The following CCDC157 variants were observed in gnomAD, a reference collection of about 807,000 sequenced individuals.
CCDC157 encodes the protein coiled-coil domain containing 157.
A neutral mutation model predicts 70.9 loss-of-function variants in CCDC157; 60 were observed. The observed-to-expected ratio is 0.85, with a 90% CI of 0.69 to 1.05. The LOEUF is 1.05. CCDC157 is among the 50% of genes least tolerant of loss of function. The pLI is 0.00. For missense variants in CCDC157, 943 were observed against 984.2 expected (o/e 0.96, Z 0.56); for synonymous variants, 373 against 422.4 (o/e 0.88, Z 1.43).
rs1446264684 is a variant in CCDC157, at chr22:30,374,833, C to T, written c.1673-646C>T. 4 of 436,516 alleles carry T rather than the reference C, an allele frequency of 9.2e-6. No homozygotes were observed. The Admixed American group carries it at 9.6e-5, about 10-fold the overall frequency. 27.0% of individuals were successfully genotyped at this position (436,516 alleles called of 1,614,324 possible). A position where few individuals can be genotyped will look rare whatever the true frequency, so the allele number is the denominator to read the frequency against. On this transcript the variant is annotated intron_variant, in intron 9 of 11. Transcript: ENST00000338306. Reference sequence around the variant, plus strand: ...AGGGGAAGAGCAGCCTGGCGGAATTCCTGCCGTTCCCAAGCTTGAGCTGGC... The same window carrying T: ...AGGGGAAGAGCAGCCTGGCGGAATTTCTGCCGTTCCCAAGCTTGAGCTGGC...
chr22:30,358,329 G>C (rs922101109), intron 1 of CCDC157, among the ~76,000 whole-genome samples: 1 of 152,224 alleles, frequency 6.6e-6, no homozygotes, highest in Non-Finnish European at 1.5e-5. Flanking sequence ...CATGTGTTAC[G>C]TCATTTATTC....
At position 30,377,652 on chromosome 22, in the gene CCDC157, A is replaced by G. The variant is rs1933434980; in HGVS notation, c.*907A>G. On this transcript the variant is annotated 3_prime_UTR_variant, in exon 12 of 12. Transcript: ENST00000338306. Reference sequence around the variant, plus strand: ...AGAAGGGTCAAGAGGGGCCATGTATATAGCTGAGCTACCACAGCTTTGGTC... The same window carrying G: ...AGAAGGGTCAAGAGGGGCCATGTATGTAGCTGAGCTACCACAGCTTTGGTC... The G allele has an allele frequency of 6.0e-6, 1 of 166,722 alleles. No individual in the cohort carries two copies. 10.3% of individuals were successfully genotyped at this position (166,722 alleles called of 1,614,324 possible). A position where few individuals can be genotyped will look rare whatever the true frequency, so the allele number is the denominator to read the frequency against.
rs376090383 is a variant in CCDC157, at chr22:30,375,461, C to T, written c.1673-18C>T. 1.2e-6 allele frequency: 2 copies of T among 1,613,750 alleles called. No individual in the cohort carries two copies. Among genetic ancestry groups the T allele is most frequent in the African/African-American group, 2.7e-5 (2 of 75,062 alleles). On this transcript the variant is annotated intron_variant, in intron 9 of 11. Coordinates refer to ENST00000338306, the MANE Select transcript of CCDC157 (RefSeq NM_001017437.5). Reference sequence around the variant, plus strand: ...GCTGGTGTGCCTCCCTTCTAAGGTCCTGTCCCATTGGGCACAGGAGGCAGA... The same window carrying T: ...GCTGGTGTGCCTCCCTTCTAAGGTCTTGTCCCATTGGGCACAGGAGGCAGA...
rs770884624 is a variant in CCDC157 at position 30,376,503 on chromosome 22, C to T, written c.2017C>T (p.Pro673Ser). 6.2e-7 allele frequency: 1 copy of T among 1,607,804 alleles called. No individual in the cohort carries two copies. The highest frequency in any genetic ancestry group is 1.4e-5 in the African/African-American group (1 of 73,666). ...RTLLGQPCTSPPRQPCTSPPR... is the reference protein window; with the variant it reads ...RTLLGQPCTSSPRQPCTSPPR... ...CCTGCTGGGCCAGCCCTGCACATCC[C>T]CACCTCGGCAGCCCTGCACATCCCC... The change falls in exon 12 of 12, where the codon CCA (proline) becomes TCA (serine). Residue 673 changes from proline to serine, a missense_variant. By Grantham distance (74) the Pro-to-Ser change is moderately conservative. Transcript: ENST00000338306.
intron 3 of CCDC157, 127 bp from the exon 4 acceptor site, chr22:30,369,305 C>A: frequency 1.2e-6 from 1 of 842,830 alleles, no homozygotes; most frequent in Non-Finnish European, 1.7e-6. Flanking sequence ...CCCAGCAGAG[C>A]ATATTCTGAG....
intron 1 of CCDC157, among the ~76,000 whole-genome samples, chr22:30,361,650 T>C (rs1049816563): frequency 1.3e-5 from 2 of 152,216 alleles, no homozygotes; most frequent in African/African-American, 4.8e-5. Flanking sequence ...AGAGCAGAGA[T>C]GGTGGACTCA....
In CCDC157 at chr22:30,375,502, TC is replaced by T; in HGVS notation, c.1699del (p.Gln567ArgfsTer2). On this transcript the variant is annotated frameshift_variant, in exon 10 of 12. Transcript: ENST00000338306. LOFTEE classifies it high-confidence loss of function. ...IHGGRSSSVE[S>X]QITCPTDSGN... ...AGGAGGCAGATCCAGCAGCGTGGAA[TC>T]CCAGATAACATGTCCCACAGACTCT... 2 of 1,614,136 alleles carry T rather than the reference TC, an allele frequency of 1.2e-6. No individual in the cohort carries two copies. Among genetic ancestry groups the T allele is most frequent in the Non-Finnish European group, 8.5e-7 (1 of 1,180,022 alleles).
chr22:30,360,621 G>T (rs1232013192), intron 1 of CCDC157, among the ~76,000 whole-genome samples: 1 of 151,956 alleles, frequency 6.6e-6, no homozygotes, highest in Non-Finnish European at 1.5e-5. Flanking sequence ...GGACCCAAAG[G>T]TATGATCTGG....
At chr22:30,356,709 T>C, upstream of CCDC157, 1 of 1,469,362 alleles carries the variant, frequency 6.8e-7, no homozygotes, top group Non-Finnish European at 9.1e-7. Flanking sequence ...GGCTGCAGGC[T>C]GAGGGGCGGG....
rs1396812410 is a variant in CCDC157 at position 30,373,506 on chromosome 22, G to A, written c.1336-91G>A. On this transcript the variant is annotated intron_variant, in intron 7 of 11. Coordinates refer to ENST00000338306, the MANE Select transcript of CCDC157 (RefSeq NM_001017437.5). ...ACACCCCAGGGGGGTAGCAGCCGAG[G>A]GGTAGTAGATGCTGTAGCCTCCTTA... The A allele has an allele frequency of 2.9e-6, 4 of 1,391,288 alleles. No homozygotes were observed. In the Admixed American group the frequency reaches 6.2e-5, roughly 22 times the overall value. 86.2% of individuals were successfully genotyped at this position (1,391,288 alleles called of 1,614,324 possible).
In CCDC157 at chr22:30,370,471, G is replaced by A. The variant is rs139611413; in HGVS notation, c.566G>A (p.Ser189Asn). ...CCCCAGACCTGCCAAGAGCCAGAGA[G>A]CATCCCTGTCAGAGCCTCCCTGCAG... is the stretch of plus-strand genomic sequence containing the variant. ...GLPQTCQEPE[S>N]IPVRASLQFP... The change falls in exon 5 of 12, where the codon AGC becomes AAC. Residue 189 changes from serine to asparagine, a missense_variant. Ser to Asn is a conservative substitution (Grantham distance 46). Transcript: ENST00000338306. The A allele has an allele frequency of 2.5e-5, 40 of 1,614,078 alleles. No individual in the cohort carries two copies. The highest frequency in any genetic ancestry group is 3.4e-5 in the Non-Finnish European group (40 of 1,180,038).
At chr22:30,366,372 C>T (rs940611631) in intron 3 of CCDC157, 124 bp downstream of exon 3, 2 of 1,177,280 alleles carry the variant, frequency 1.7e-6, no homozygotes, top group East Asian at 2.4e-5. Flanking sequence ...CATTGAGTAC[C>T]TGTCGGGGCC....
intron 1 of CCDC157, among the ~76,000 whole-genome samples, chr22:30,358,897 C>T (rs1171079184): frequency 6.6e-6 from 1 of 152,244 alleles, no homozygotes; most frequent in African/African-American, 2.4e-5. Context: ...TTGACACACA[C>T]ATAAAGTACT....
chr22:30,376,245 T>G lies in CCDC157; in HGVS notation c.1858-14T>G. 1 of 1,596,850 alleles carries G rather than the reference T, an allele frequency of 6.3e-7. No individual in the cohort carries two copies. The highest frequency in any genetic ancestry group is 8.5e-7 in the Non-Finnish European group (1 of 1,171,456). On this transcript the variant is annotated splice_polypyrimidine_tract_variant and intron_variant, in intron 10 of 11. Coordinates refer to ENST00000338306, the MANE Select transcript of CCDC157 (RefSeq NM_001017437.5). ...TGGGCCCTTATAAGACTGGCTTTTTTTTTTTTTTTGTAGCTGATCCCGCAG... is the reference window on the plus strand; with the variant it reads ...TGGGCCCTTATAAGACTGGCTTTTTGTTTTTTTTTGTAGCTGATCCCGCAG...
intron 9 of CCDC157, chr22:30,375,157 C>T (rs1277900959): frequency 6.6e-6 from 2 of 303,300 alleles, no homozygotes; most frequent in Non-Finnish European, 1.3e-5. Context: ...CGGGGTTTCA[C>T]CATGTTGGCC....
At chr22:30,371,284 G>A in intron 5 of CCDC157, 1 of 487,236 alleles carries the variant, frequency 2.1e-6, no homozygotes, top group South Asian at 2.7e-5. Flanking sequence ...GGCACTTCCA[G>A]CCAAGCAGAG....
rs1206135965 is a variant in CCDC157 at position 30,370,794 on chromosome 22, C to G, written c.889C>G (p.Leu297Val). 2 of 1,613,412 alleles carry G rather than the reference C, an allele frequency of 1.2e-6. No homozygotes were observed. Among genetic ancestry groups the G allele is most frequent in the African/African-American group, 1.3e-5 (1 of 75,068 alleles). The change falls in exon 5 of 12, where the codon CTG becomes GTG. Residue 297 changes from leucine to valine, a missense_variant. Physicochemically the swap from Leu to Val is conservative, Grantham distance 32. Coordinates refer to ENST00000338306, the MANE Select transcript of CCDC157 (RefSeq NM_001017437.5). Reference sequence around the variant, plus strand: ...GCATGTGGAGGCCCTCAGGGCCCAGCTGGAGGAGGCTGAAGGGCAGAAGGA... The same window carrying G: ...GCATGTGGAGGCCCTCAGGGCCCAGGTGGAGGAGGCTGAAGGGCAGAAGGA... The part of the protein sequence containing the change: ...SKHVEALRAQ[L>V]EEAEGQKDGL...
rs1282537827 is a variant in CCDC157 at position 30,370,594 on chromosome 22, G to T, written c.689G>T (p.Ser230Ile). 3 of 1,614,082 alleles carry T rather than the reference G, an allele frequency of 1.9e-6. No individual in the cohort carries two copies. The highest frequency in any genetic ancestry group is 2.5e-6 in the Non-Finnish European group (3 of 1,180,042). The change falls in exon 5 of 12, where the codon AGC (serine) becomes ATC (isoleucine). Residue 230 changes from serine (S) to isoleucine (I), a missense_variant. Ser to Ile is a moderately radical substitution (Grantham distance 142). Transcript: ENST00000338306. ...GACGCATGCGCCAGCGTCCAGGGAA[G>T]CCTGCAGAAGGTGGGCAAGGTGGTC... ...PCDACASVQG[S>I]LQKVGKVVIS...
intron 6 of CCDC157, 168 bp from the exon 7 acceptor site, chr22:30,371,907 C>G: frequency 1.4e-6 from 1 of 731,676 alleles, no homozygotes; most frequent in Non-Finnish European, 2.3e-6. Flanking sequence ...CACCTCCTAC[C>G]GAGAAAGCGC....
Sources: allele counts gnomAD v4.1 joint callset (sites outside exome capture counted in the v4.1 genomes callset), GRCh38; gene constraint gnomAD v4.1.1; transcripts MANE v1.5; gene names NCBI Gene and HGNC (gene_info 2026-07-23, HGNC 2026-07-21).